The following PPHLN1 variants were observed in gnomAD, a reference collection of about 807,000 sequenced individuals.
The protein encoded by PPHLN1 is periphilin 1.
A neutral mutation model predicts 51.3 loss-of-function variants in PPHLN1; 29 were observed. The ratio of observed to expected loss-of-function variants is 0.57; its 90% CI spans 0.42 to 0.77. The LOEUF is 0.77. Ranked by LOEUF, PPHLN1 falls within the 30% of genes least tolerant of loss-of-function variation. PPHLN1 has a pLI of 0.00. For synonymous variants in PPHLN1, 147 were observed against 147.8 expected (o/e 0.99, Z 0.04); for missense variants, 436 against 438.4 (o/e 0.99, Z 0.05).
intron 7 of PPHLN1, among the ~76,000 whole-genome samples, chr12:42,392,074 G>A (rs905092104): frequency 4.6e-5 from 7 of 152,074 alleles, no homozygotes; most frequent in African/African-American, 1.7e-4. Flanking sequence ...AAAATTACCC[G>A]GTTATGGTGT....
chr12:42,440,733 G>A (rs997744860), intron 9 of PPHLN1, among the ~76,000 whole-genome samples: 3 of 152,176 alleles, frequency 2.0e-5, no homozygotes, highest in African/African-American at 4.8e-5. Context: ...ACGCGCCACC[G>A]CGCCCAGCCA....
chr12:42,364,427 C>T (rs561759973), intron 4 of PPHLN1, among the ~76,000 whole-genome samples: 10 of 151,140 alleles, frequency 6.6e-5, no homozygotes, highest in Admixed American at 4.0e-4. Flanking sequence ...CCCAGAAGTT[C>T]GAGACCAGCC....
intron 2 of PPHLN1, among the ~76,000 whole-genome samples, chr12:42,350,501 G>T (rs975689021): frequency 4.0e-5 from 6 of 151,556 alleles, no homozygotes; most frequent in African/African-American, 9.7e-5. Context: ...GGGCAGAGGG[G>T]CTCCTCACAT....
intron 9 of PPHLN1, among the ~76,000 whole-genome samples, chr12:42,435,768 C>G (rs1217785026): frequency 6.6e-6 from 1 of 152,102 alleles, no homozygotes; most frequent in Non-Finnish European, 1.5e-5. Flanking sequence ...TTATTTTCCA[C>G]TTTAATGGTA....
At chr12:42,429,912 G>T (rs1448104856) in intron 9 of PPHLN1, among the ~76,000 whole-genome samples, 1 of 152,130 alleles carries the variant, frequency 6.6e-6, no homozygotes, top group Non-Finnish European at 1.5e-5. Flanking sequence ...TATTTGTTTT[G>T]TCACTTATCT....
At chr12:42,391,635 AAAC>A (rs2077723075) in intron 7 of PPHLN1, among the ~76,000 whole-genome samples, 1 of 152,128 alleles carries the variant, frequency 6.6e-6, no homozygotes, top group Non-Finnish European at 1.5e-5. Context: ...CTGGAAAAAA[AAAC>A]AACTTTCTTG....
downstream of PPHLN1, chr12:42,445,142 T>C (rs555443446): frequency 4.6e-5 from 32 of 702,356 alleles, no homozygotes; most frequent in Middle Eastern, 6.9e-4. Flanking sequence ...GTACACATTC[T>C]ATTTTTATCA....
chr12:42,432,997 A>G, intron 9 of PPHLN1: 6 of 1,394,870 alleles, frequency 4.3e-6, no homozygotes, highest in Non-Finnish European at 5.1e-6. Context: ...CTTTATGTGC[A>G]TTTTCATTAG....
At position 42,441,305 on chromosome 12, in the gene PPHLN1, T is replaced by C. The variant is rs748958323; in HGVS notation, c.910-10T>C. 1.2e-6 allele frequency: 2 copies of C among 1,602,572 alleles called. No individual in the cohort carries two copies. Among genetic ancestry groups the C allele is most frequent in the East Asian group, 4.5e-5 (2 of 44,708 alleles). On this transcript the variant is annotated splice_polypyrimidine_tract_variant and intron_variant, in intron 9 of 9. Coordinates refer to ENST00000358314, the MANE Select transcript of PPHLN1 (RefSeq NM_201439.2). Reference sequence around the variant, plus strand: ...ATTCTCAGCTAACCAGAATGTGTTTTACCTTTTAGGTTTACCGACAAGACT... The same window carrying C: ...ATTCTCAGCTAACCAGAATGTGTTTCACCTTTTAGGTTTACCGACAAGACT...
intron 9 of PPHLN1, among the ~76,000 whole-genome samples, chr12:42,430,260 G>A (rs1407062842): frequency 6.6e-6 from 1 of 151,046 alleles, no homozygotes; most frequent in Non-Finnish European, 1.5e-5. Flanking sequence ...CTCTGACACA[G>A]ACACACACCC....
intron 3 of PPHLN1, among the ~76,000 whole-genome samples, chr12:42,354,074 A>G (rs922034271): frequency 4.6e-5 from 7 of 152,182 alleles, no homozygotes; most frequent in African/African-American, 1.7e-4. Flanking sequence ...TTGTGTTTAT[A>G]TTTAATATTG....
intron 1 of PPHLN1, among the ~76,000 whole-genome samples, chr12:42,326,714 G>A (rs756908518): frequency 1.5e-4 from 23 of 152,144 alleles, no homozygotes; most frequent in Non-Finnish European, 2.9e-4. Context: ...TGATCTTCTT[G>A]GCACCTTTTC....
intron 9 of PPHLN1, among the ~76,000 whole-genome samples, chr12:42,412,186 C>A (rs1242667533): frequency 6.6e-6 from 1 of 152,096 alleles, no homozygotes; most frequent in Non-Finnish European, 1.5e-5. Flanking sequence ...GCCTGGGCGA[C>A]AGAGCGAGAC....
chr12:42,408,905 G>T (rs1292273286), intron 9 of PPHLN1, among the ~76,000 whole-genome samples: 2 of 151,960 alleles, frequency 1.3e-5, no homozygotes, highest in Admixed American at 1.3e-4. Flanking sequence ...CACTTAACTG[G>T]GTTCTAAGAC....
intron 9 of PPHLN1, chr12:42,399,751 A>T (rs1363129395): frequency 6.6e-6 from 1 of 152,254 alleles, no homozygotes; most frequent in Non-Finnish European, 1.5e-5. Context: ...GTGACCGTGT[A>T]GCTTATGTTA....
chr12:42,420,382 T>G (rs952722120), intron 9 of PPHLN1, among the ~76,000 whole-genome samples: 3 of 152,078 alleles, frequency 2.0e-5, no homozygotes, highest in Middle Eastern at 3.4e-3. Context: ...ACTTGTCTCT[T>G]TGTGTGTGTG....
chr12:42,417,855 A>G (rs184362680), intron 9 of PPHLN1, among the ~76,000 whole-genome samples: 168 of 151,490 alleles, frequency 1.1e-3, no homozygotes, highest in African/African-American at 3.9e-3. Context: ...ACTTATATCC[A>G]TAACTCAGCT....
chr12:42,378,090 C>CTCTT (rs57255344), intron 5 of PPHLN1, among the ~76,000 whole-genome samples: 2,123 of 140,848 alleles, frequency 0.015, 28 homozygotes, highest in Middle Eastern at 0.021. Flanking sequence ...ATCTATCTTT[C>CTCTT]TCTTTCTTTC....
intron 9 of PPHLN1, among the ~76,000 whole-genome samples, chr12:42,436,225 G>A (rs778127880): frequency 4.6e-5 from 7 of 152,056 alleles, no homozygotes; most frequent in Admixed American, 6.5e-5. Context: ...ATTTTTCTGC[G>A]GATGATATCG....
Sources: allele counts gnomAD v4.1 joint callset (sites outside exome capture counted in the v4.1 genomes callset), GRCh38; gene constraint gnomAD v4.1.1; transcripts MANE v1.5; gene names NCBI Gene and HGNC (gene_info 2026-07-23, HGNC 2026-07-21).